ADAM18: variants seen among roughly 807,000 people sequenced by gnomAD.
ADAM18 encodes ADAM metallopeptidase domain 18.
In ADAM18, 117 loss-of-function variants were observed where a neutral mutation model predicts 94.4. The observed-to-expected ratio is 1.24, with a 90% confidence interval of 1.07 to 1.45. The LOEUF is 1.45. Among genes scored for constraint, ADAM18 ranks in the 40% most tolerant of loss-of-function variants. The probability of loss-of-function intolerance (pLI) is 0.00; values close to 1 mark genes in which losing one functional copy is unlikely to be tolerated. For missense variants in ADAM18, 936 were observed against 880.0 expected (o/e 1.06, Z -0.81); for synonymous variants, 327 against 291.6 (o/e 1.12, Z -1.24).
chr8:39,593,311 C>T (rs1433989670), intron 2 of ADAM18, among the ~76,000 whole-genome samples: 1 of 151,960 alleles, frequency 6.6e-6, no homozygotes, highest in Non-Finnish European at 1.5e-5. Context: ...CTAAAATGTC[C>T]ATACTACCCA....
At chr8:39,698,427 C>T (rs1281346800) in intron 17 of ADAM18, among the ~76,000 whole-genome samples, 2 of 151,600 alleles carry the variant, frequency 1.3e-5, no homozygotes, top group Non-Finnish European at 3.0e-5. Flanking sequence ...CACTTTTTTC[C>T]TGGTATTGTT....
At chr8:39,651,029 G>T (rs76687958) in intron 12 of ADAM18, among the ~76,000 whole-genome samples, 3 of 143,882 alleles carry the variant, frequency 2.1e-5, no homozygotes, top group Non-Finnish European at 1.6e-5. Flanking sequence ...AATAGGGTAA[G>T]AGTGGAGAGA....
At chr8:39,629,891 G>T (rs117923637) in intron 7 of ADAM18, among the ~76,000 whole-genome samples, 1 of 151,846 alleles carries the variant, frequency 6.6e-6, no homozygotes, top group East Asian at 1.9e-4. Context: ...CTACACTATC[G>T]CTTCCTCCAC....
intron 12 of ADAM18, among the ~76,000 whole-genome samples, chr8:39,649,266 C>T (rs1233623161): frequency 6.6e-6 from 1 of 152,050 alleles, no homozygotes; most frequent in Non-Finnish European, 1.5e-5. Flanking sequence ...TCCTATATTT[C>T]ACAAGGTAAA....
At chr8:39,717,528 T>G (rs1822615600) in intron 18 of ADAM18, among the ~76,000 whole-genome samples, 1 of 151,866 alleles carries the variant, frequency 6.6e-6, no homozygotes, top group Non-Finnish European at 1.5e-5. Context: ...TGGTGATGGA[T>G]TCCCTTAATT....
intron 10 of ADAM18, among the ~76,000 whole-genome samples, chr8:39,643,764 GTC>G (rs1382208565): frequency 6.6e-6 from 1 of 151,306 alleles, no homozygotes; most frequent in Admixed American, 6.6e-5. Context: ...TTCTTTCTGT[GTC>G]TCTGTCACTT....
At chr8:39,608,718 G>A (rs1819167337) in intron 3 of ADAM18, among the ~76,000 whole-genome samples, 1 of 151,808 alleles carries the variant, frequency 6.6e-6, no homozygotes, top group African/African-American at 2.4e-5. Context: ...TTTGTCTCTT[G>A]CCTAACTCTG....
chr8:39,633,184 C>G (rs948613680), intron 7 of ADAM18, among the ~76,000 whole-genome samples: 6 of 152,164 alleles, frequency 3.9e-5, no homozygotes, highest in Non-Finnish European at 7.3e-5. Context: ...ACAAACTACC[C>G]AATCTGTCAT....
At chr8:39,724,066 AT>A in intron 19 of ADAM18, 159 bp downstream of exon 19, 1 of 575,230 alleles carries the variant, frequency 1.7e-6, no homozygotes, top group Non-Finnish European at 2.6e-6. Flanking sequence ...ATAATTTGTT[AT>A]TATATTGGGG....
At chr8:39,726,373 C>T (rs919739230) in intron 19 of ADAM18, among the ~76,000 whole-genome samples, 13 of 151,856 alleles carry the variant, frequency 8.6e-5, no homozygotes, top group East Asian at 1.9e-4. Context: ...GTGGTCCTCC[C>T]GCCTCAGCCT....
At chr8:39,661,117 TA>T (rs143344538) in intron 12 of ADAM18, among the ~76,000 whole-genome samples, 20 of 138,614 alleles carry the variant, frequency 1.4e-4, no homozygotes, top group South Asian at 4.7e-4. Context: ...CATACTCAAA[TA>T]AAAAAAAAAC....
At position 39,717,730 on chromosome 8, in the gene ADAM18, A is replaced by G. The variant is rs969525675; in HGVS notation, c.2018-6018A>G. Among the ~76,000 whole-genome samples, 10 of 151,838 alleles carry G rather than the reference A, an allele frequency of 6.6e-5. No homozygotes were observed. In the South Asian group the frequency reaches 1.4e-3, roughly 22 times the overall value. On this transcript the variant is annotated intron_variant, in intron 18 of 19. Transcript: ENST00000265707. ...TTTCATTGTGGGACTATATCAAACTATAAAGCTCTATACAGCAAATGAAAC... is the reference window on the plus strand; with the variant it reads ...TTTCATTGTGGGACTATATCAAACTGTAAAGCTCTATACAGCAAATGAAAC...
intron 18 of ADAM18, among the ~76,000 whole-genome samples, chr8:39,712,250 T>G (rs1215122266): frequency 6.6e-6 from 1 of 152,170 alleles, no homozygotes; most frequent in Non-Finnish European, 1.5e-5. Flanking sequence ...CAGCCCTTCA[T>G]GCTAAAAACT....
chr8:39,674,948 G>C lies in ADAM18; in HGVS notation c.1526-2483G>C, dbSNP rs376550275. Among the ~76,000 whole-genome samples, 33 of 152,198 alleles carry C rather than the reference G, an allele frequency of 2.2e-4. 1 individual carries two copies. In the East Asian group the frequency reaches 4.4e-3, roughly 21 times the overall value. On this transcript the variant is annotated intron_variant, in intron 14 of 19. Transcript: ENST00000265707. Reference sequence around the variant, plus strand: ...TTTTCTTTAAGAATGTTGAATATTTGCCCCCACTCTCTTCTGGCTTGTAGG... The same window carrying C: ...TTTTCTTTAAGAATGTTGAATATTTCCCCCCACTCTCTTCTGGCTTGTAGG...
chr8:39,605,066 C>T (rs1819027976), intron 2 of ADAM18, among the ~76,000 whole-genome samples: 2 of 152,088 alleles, frequency 1.3e-5, no homozygotes, highest in Admixed American at 1.3e-4. Context: ...TGAGATTTGC[C>T]TCCAGTCTGG....
At chr8:39,664,670 T>A (rs1163428014) in intron 13 of ADAM18, among the ~76,000 whole-genome samples, 1 of 152,116 alleles carries the variant, frequency 6.6e-6, no homozygotes, top group Non-Finnish European at 1.5e-5. Context: ...GCATATAGAA[T>A]GTGTAAAGAA....
chr8:39,675,888 G>A (rs1483972529), intron 14 of ADAM18, among the ~76,000 whole-genome samples: 2 of 152,220 alleles, frequency 1.3e-5, no homozygotes, highest in Non-Finnish European at 2.9e-5. Context: ...AGGTCCCTCA[G>A]CTGCAGGTCT....
At chr8:39,712,566 C>T (rs1038002212) in intron 18 of ADAM18, among the ~76,000 whole-genome samples, 1 of 152,080 alleles carries the variant, frequency 6.6e-6, no homozygotes, top group East Asian at 1.9e-4. Flanking sequence ...CCAAAAATTG[C>T]CTTAAGCTGA....
chr8:39,647,129 C>T (rs1037583476), intron 11 of ADAM18, among the ~76,000 whole-genome samples: 5 of 151,330 alleles, frequency 3.3e-5, no homozygotes, highest in East Asian at 1.9e-4. Context: ...GGACCTGCAC[C>T]GGCACCGGTC....
Sources: gnomAD v4.1 joint callset for allele counts (sites outside exome capture counted in the v4.1 genomes callset) on GRCh38, gnomAD v4.1.1 for gene constraint, MANE v1.5 for transcripts, NCBI Gene and HGNC (gene_info 2026-07-23, HGNC 2026-07-21) for gene names.